The following EPHA3 variants were observed in gnomAD, a reference collection of about 807,000 sequenced individuals.
The protein encoded by EPHA3 is EPH receptor A3.
Under a neutral mutation model 107.1 loss-of-function variants are expected in EPHA3, and 42 were observed. The observed-to-expected ratio is 0.39, with a 90% CI of 0.31 to 0.51. The LOEUF is 0.51. Ranked by LOEUF, EPHA3 falls within the 20% of genes least tolerant of loss-of-function variation. The pLI is 0.78. For missense variants in EPHA3, 1,183 were observed against 1,211.2 expected (o/e 0.98, Z 0.35); for synonymous variants, 461 against 424.8 (o/e 1.09, Z -1.05).
intron 2 of EPHA3, among the ~76,000 whole-genome samples, chr3:89,150,699 T>C (rs1315726989): frequency 6.6e-6 from 1 of 152,138 alleles, no homozygotes; most frequent in African/African-American, 2.4e-5. Flanking sequence ...AGTTTTTCCA[T>C]AGCATTAATT....
intron 2 of EPHA3, among the ~76,000 whole-genome samples, chr3:89,159,972 T>C (rs575090355): frequency 2.0e-5 from 3 of 152,130 alleles, no homozygotes; most frequent in African/African-American, 7.2e-5. Context: ...TATTTTTGTA[T>C]TTTTTAACTT....
intron 3 of EPHA3, among the ~76,000 whole-genome samples, chr3:89,302,646 A>G (rs1706518701): frequency 6.6e-6 from 1 of 152,126 alleles, no homozygotes; most frequent in Admixed American, 6.6e-5. Context: ...TTCTCTCCAC[A>G]TGTTTTAAGA....
intron 5 of EPHA3, among the ~76,000 whole-genome samples, chr3:89,386,642 G>A (rs1280122618): frequency 6.6e-6 from 1 of 152,212 alleles, no homozygotes; most frequent in Non-Finnish European, 1.5e-5. Context: ...GCCTAGTGAA[G>A]CTGTGAGAAG....
At position 89,110,095 on chromosome 3, in the gene EPHA3, T is replaced by A. The variant is rs192547936; in HGVS notation, c.88+2259T>A. On this transcript the variant is annotated intron_variant, in intron 1 of 16. Coordinates refer to ENST00000336596, the MANE Select transcript of EPHA3 (RefSeq NM_005233.6). ...AGCAATTCTTTTGAAAATGTATATA[T>A]GAGAGGAGTGGTGATTTAAAAATGG... Among the ~76,000 whole-genome samples, 23 of 152,084 alleles carry A rather than the reference T, an allele frequency of 1.5e-4. No individual in the cohort carries two copies. The East Asian group carries it at 3.7e-3, about 24-fold the overall frequency.
intron 3 of EPHA3, among the ~76,000 whole-genome samples, chr3:89,236,475 A>G (rs1704763890): frequency 6.6e-6 from 1 of 151,592 alleles, no homozygotes; most frequent in Non-Finnish European, 1.5e-5. Flanking sequence ...AACAAATGAC[A>G]TTAAAACTGT....
intron 5 of EPHA3, among the ~76,000 whole-genome samples, chr3:89,378,499 A>AT (rs200168778): frequency 0.016 from 2,437 of 152,270 alleles, 66 homozygotes; most frequent in African/African-American, 0.055. Flanking sequence ...TTTTTTACAA[A>AT]AAATCTCATC....
intron 13 of EPHA3, among the ~76,000 whole-genome samples, chr3:89,442,248 T>G (rs778938041): frequency 1.8e-4 from 28 of 152,066 alleles, no homozygotes; most frequent in Non-Finnish European, 3.8e-4. Flanking sequence ...AACCCAAGTA[T>G]TAGGAGATTG....
intron 2 of EPHA3, among the ~76,000 whole-genome samples, chr3:89,196,249 G>A (rs551529917): frequency 6.6e-6 from 1 of 152,166 alleles, no homozygotes; most frequent in Non-Finnish European, 1.5e-5. Flanking sequence ...GACTTCCCAG[G>A]CCATTCATTT....
intron 3 of EPHA3, among the ~76,000 whole-genome samples, chr3:89,216,366 C>T (rs1468391012): frequency 6.6e-6 from 1 of 151,974 alleles, no homozygotes; most frequent in Non-Finnish European, 1.5e-5. Flanking sequence ...TAAATGTAAA[C>T]TTACCTGTAA....
intron 3 of EPHA3, among the ~76,000 whole-genome samples, chr3:89,316,505 A>AAG (rs1706907034): frequency 9.6e-6 from 1 of 104,134 alleles, no homozygotes; most frequent in Non-Finnish European, 1.9e-5. Context: ...GTGTGTGTGT[A>AAG]ATATATATAT....
At chr3:89,162,913 A>G (rs1027122090) in intron 2 of EPHA3, among the ~76,000 whole-genome samples, 1 of 152,222 alleles carries the variant, frequency 6.6e-6, no homozygotes, top group Non-Finnish European at 1.5e-5. Flanking sequence ...ACAGCATCCC[A>G]GCAGCCGGGG....
chr3:89,174,087 A>G (rs893302769), intron 2 of EPHA3, among the ~76,000 whole-genome samples: 3 of 152,046 alleles, frequency 2.0e-5, no homozygotes, highest in African/African-American at 7.2e-5. Context: ...CTATGTAAGA[A>G]AAATGACTCA....
intron 13 of EPHA3, among the ~76,000 whole-genome samples, chr3:89,438,074 G>A (rs1003377942): frequency 6.6e-6 from 1 of 151,794 alleles, no homozygotes; most frequent in African/African-American, 2.4e-5. Context: ...ATACAACTTT[G>A]TTTTGTTTGA....
At chr3:89,476,110 T>A (rs911816212) in intron 16 of EPHA3, among the ~76,000 whole-genome samples, 1 of 147,756 alleles carries the variant, frequency 6.8e-6, no homozygotes, top group Non-Finnish European at 1.5e-5. Flanking sequence ...AGTATATTTA[T>A]ATAAATATAT....
At chr3:89,336,097 T>C (rs1439352891) in intron 3 of EPHA3, among the ~76,000 whole-genome samples, 1 of 152,220 alleles carries the variant, frequency 6.6e-6, no homozygotes, top group Non-Finnish European at 1.5e-5. Flanking sequence ...TATTCTCTAA[T>C]AAGTTGACTG....
chr3:89,136,471 A>ATG (rs1028774968), intron 2 of EPHA3, among the ~76,000 whole-genome samples: 3 of 150,618 alleles, frequency 2.0e-5, no homozygotes, highest in African/African-American at 7.3e-5. Flanking sequence ...AAAAAGTAAA[A>ATG]TGTTTTCTTG....
chr3:89,114,365 CA>C (rs553227358), intron 1 of EPHA3, among the ~76,000 whole-genome samples: 52 of 152,298 alleles, frequency 3.4e-4, no homozygotes, highest in African/African-American at 1.2e-3. Context: ...GTCTTAACCA[CA>C]AACTATTCTC....
intron 9 of EPHA3, among the ~76,000 whole-genome samples, chr3:89,410,017 T>A (rs1576364357): frequency 6.6e-6 from 1 of 152,150 alleles, no homozygotes; most frequent in Middle Eastern, 3.4e-3. Flanking sequence ...TTACTCTGTA[T>A]GTTGCCCTTA....
At position 89,341,512 on chromosome 3, in the gene EPHA3, T is replaced by C. The variant is rs113774757; in HGVS notation, c.971-243T>C. Among the ~76,000 whole-genome samples, 7 of 152,310 alleles carry C rather than the reference T, an allele frequency of 4.6e-5. 1 individual carries two copies. Among genetic ancestry groups the C allele is most frequent in the African/African-American group, 1.7e-4 (7 of 41,566 alleles). On this transcript the variant is annotated intron_variant, in intron 4 of 16. Transcript: ENST00000336596. ...GTTTTGAACATAGTGATGAGTTACT[T>C]TGTTAGAATTTGTGAATGTATCCTT... is the stretch of plus-strand genomic sequence containing the variant.
Sources: allele counts gnomAD v4.1 joint callset (sites outside exome capture counted in the v4.1 genomes callset), GRCh38; gene constraint gnomAD v4.1.1; transcripts MANE v1.5; gene names NCBI Gene and HGNC (gene_info 2026-07-23, HGNC 2026-07-21).